Variants in RRBP1 observed in about 807,000 individuals in gnomAD.
RRBP1 encodes ribosome-binding protein 1.
In RRBP1, 94 loss-of-function variants were observed where a neutral mutation model predicts 165.2. The ratio of observed to expected loss-of-function variants is 0.57; its 90% CI spans 0.48 to 0.68. The LOEUF is 0.68. RRBP1 is among the 30% of genes least tolerant of loss of function. The pLI is 0.00. For missense variants in RRBP1, 1,676 were observed against 1,763.0 expected (o/e 0.95, Z 0.88); for synonymous variants, 680 against 714.5 (o/e 0.95, Z 0.77).
At chr20:17,615,562 A>T (rs912557277) in intron 22 of RRBP1, 33 bp from the exon 23 acceptor site, 8 of 1,558,782 alleles carry the variant, frequency 5.1e-6, no homozygotes, top group Non-Finnish European at 6.9e-6. Flanking sequence ...TCTGGGTGAG[A>T]CGTCTTATAA....
At chr20:17,680,902 C>T (rs767096177) in intron 1 of RRBP1, among the ~76,000 whole-genome samples, 1 of 152,126 alleles carries the variant, frequency 6.6e-6, no homozygotes. Flanking sequence ...ACAGGAGCCC[C>T]GATTTGCAGA....
Position 17,616,780 on chromosome 20 carries a change from G to A in RRBP1, c.3819C>T (p.Ala1273=). The part of the protein sequence containing the change: ...SHVEDGDIAG[A]PASSPEAPPA... ...GGGGCGCCTCTGGGGAGGAAGCTGG[G>A]GCCCCAGCTATGTCACCATCCTCTA... Residue 1273 remains alanine, a synonymous_variant, in exon 21 of 25, where the codon GCC becomes GCT. Transcript: ENST00000377813. The A allele has an allele frequency of 1.2e-6, 2 of 1,612,870 alleles. No individual in the cohort carries two copies. The highest frequency in any genetic ancestry group is 1.7e-6 in the Non-Finnish European group (2 of 1,179,630).
At position 17,659,942 on chromosome 20, in the gene RRBP1, C is replaced by T; in HGVS notation, c.566G>A (p.Gly189Asp). The T allele has an allele frequency of 6.3e-7, 1 of 1,587,116 alleles. No individual in the cohort carries two copies. The highest frequency in any genetic ancestry group is 1.3e-5 in the African/African-American group (1 of 74,458). ...AGTAGTGCCAGTGGCTGGTGTGTTGCCCTTGGCACCCACTGGGGGCACCAC... is the reference window on the plus strand; with the variant it reads ...AGTAGTGCCAGTGGCTGGTGTGTTGTCCTTGGCACCCACTGGGGGCACCAC... ...MVVVPPVGAK[G>D]NTPATGTTQG... Residue 189 changes from glycine (G) to aspartate (D), a missense_variant, in exon 3 of 25, where the codon GGC becomes GAC. By Grantham distance (94) the Gly-to-Asp change is moderately conservative. This residue lies in a region of RRBP1 where 392 missense variants were observed against 382.5 expected (regional missense o/e 1.02). Coordinates refer to ENST00000377813, the MANE Select transcript of RRBP1 (RefSeq NM_001365613.2).
intron 3 of RRBP1, among the ~76,000 whole-genome samples, chr20:17,654,764 G>A (rs1008490862): frequency 6.6e-6 from 1 of 152,104 alleles, no homozygotes; most frequent in Non-Finnish European, 1.5e-5. Flanking sequence ...TGTGGCTCTC[G>A]GGTCCTTCTC....
intron 20 of RRBP1, among the ~76,000 whole-genome samples, chr20:17,618,019 C>T (rs1320801081): frequency 6.6e-6 from 1 of 152,096 alleles, no homozygotes; most frequent in African/African-American, 2.4e-5. Context: ...CTCAAGAGGC[C>T]ACCTGCACAG....
At chr20:17,660,601 C>T (rs936068984) in intron 2 of RRBP1, 73 bp from the exon 3 acceptor site, 7 of 896,650 alleles carry the variant, frequency 7.8e-6, no homozygotes, top group South Asian at 1.6e-5. Flanking sequence ...CACCCTACCA[C>T]CAAACTTCAG....
intron 19 of RRBP1, chr20:17,618,890 C>A (rs1033447668): frequency 3.5e-6 from 2 of 566,058 alleles, no homozygotes; most frequent in Non-Finnish European, 6.4e-6. Context: ...GTGTTCACTG[C>A]GTACCTCTTT....
intron 3 of RRBP1, among the ~76,000 whole-genome samples, chr20:17,652,664 C>T (rs1164026827): frequency 6.6e-6 from 1 of 152,136 alleles, no homozygotes; most frequent in Admixed American, 6.5e-5. Flanking sequence ...ACACATGACC[C>T]CCAGAGAAGC....
At position 17,662,501 on chromosome 20, in the gene RRBP1, C is replaced by A. The variant is rs374906276; in HGVS notation, c.-21-1973G>T. 4.3e-4 allele frequency among the ~76,000 whole-genome samples: 66 copies of A among 152,282 alleles called. No homozygotes were observed. The South Asian group carries it at 4.8e-3, about 11-fold the overall frequency. On this transcript the variant is annotated intron_variant, in intron 2 of 24. Coordinates refer to ENST00000377813, the MANE Select transcript of RRBP1 (RefSeq NM_001365613.2). ...CTTTTCATTCCAGTCTTAACCTCTA[C>A]AAAGTCTTAGGGGAGCTCATGGAGG... is the stretch of plus-strand genomic sequence containing the variant.
intron 3 of RRBP1, among the ~76,000 whole-genome samples, chr20:17,652,696 T>A (rs1265330369): frequency 1.3e-5 from 2 of 152,038 alleles, no homozygotes; most frequent in Admixed American, 1.3e-4. Context: ...GGCCCCAGAC[T>A]GACAGGAAGC....
At position 17,643,181 on chromosome 20, in the gene RRBP1, GT is replaced by G. The variant is rs1229950915; in HGVS notation, c.1913-55del. On this transcript the variant is annotated intron_variant, in intron 3 of 24. Coordinates refer to ENST00000377813, the MANE Select transcript of RRBP1 (RefSeq NM_001365613.2). The surrounding 1 kb of genome is among the most constrained non-coding windows in gnomAD (Gnocchi z 4.3). Reference sequence around the variant, plus strand: ...CTTAGGCCCATAAGCCACAACACACGTGGCCACAATGCCCATCACACCAAGA... The same window carrying G: ...CTTAGGCCCATAAGCCACAACACACGGGCCACAATGCCCATCACACCAAGA... 2 of 1,581,662 alleles carry G rather than the reference GT, an allele frequency of 1.3e-6. No homozygotes were observed. The highest frequency in any genetic ancestry group is 1.7e-6 in the Non-Finnish European group (2 of 1,161,720).
intron 3 of RRBP1, among the ~76,000 whole-genome samples, chr20:17,653,178 C>T (rs1224518222): frequency 6.6e-6 from 1 of 152,148 alleles, no homozygotes; most frequent in Non-Finnish European, 1.5e-5. Flanking sequence ...ACATGCCCAC[C>T]GTGCCCAGCG....
intron 16 of RRBP1, 110 bp downstream of exon 16, chr20:17,621,348 G>A (rs929409875): frequency 1.5e-5 from 11 of 739,570 alleles, no homozygotes; most frequent in African/African-American, 1.4e-4. Flanking sequence ...GAGTCACAAG[G>A]CCAGTGGGCT....
rs148899277 is a variant in RRBP1, at chr20:17,621,765, G to A, written c.3249C>T (p.Thr1083=). Residue 1083 remains threonine (T), a synonymous_variant, in exon 15 of 25, where the codon ACC becomes ACT. Coordinates refer to ENST00000377813, the MANE Select transcript of RRBP1 (RefSeq NM_001365613.2). ...ELSVLAQQNY[T]EWLQDLKEKG... ...TCTCTTTGAGATCCTGCAGCCACTC[G>A]GTGTAATTCTGCAATGAAACACATT... The A allele has an allele frequency of 8.3e-5, 134 of 1,613,918 alleles. No homozygotes were observed. In the African/African-American group the frequency reaches 1.3e-3, roughly 16 times the overall value.
At chr20:17,628,510 T>C (rs1472279492) in intron 9 of RRBP1, among the ~76,000 whole-genome samples, 1 of 152,182 alleles carries the variant, frequency 6.6e-6, no homozygotes, top group Non-Finnish European at 1.5e-5. Context: ...TGGTCTGCTC[T>C]CCACCTGGTG....
chr20:17,661,450 C>G (rs981918650), intron 2 of RRBP1, among the ~76,000 whole-genome samples: 2 of 152,194 alleles, frequency 1.3e-5, no homozygotes, highest in African/African-American at 4.8e-5. Context: ...TCAGACAACA[C>G]TCCCCAAACC....
Position 17,644,073 on chromosome 20 carries a change from G to C in RRBP1, c.1913-946C>G, listed in dbSNP as rs572544096. ...CTTGGGAGGACAAAGGAGAGGGCTG[G>C]TTTCCATAGCAACCCTCAATTCTCT... On this transcript the variant is annotated intron_variant, in intron 3 of 24. Transcript: ENST00000377813. 6.7e-5 allele frequency among the ~76,000 whole-genome samples: 10 copies of C among 148,932 alleles called. No homozygotes were observed. In the South Asian group the frequency reaches 1.7e-3, roughly 25 times the overall value.
At position 17,629,974 on chromosome 20, in the gene RRBP1, A is replaced by G; in HGVS notation, c.2611-13T>C. 4 of 1,591,446 alleles carry G rather than the reference A, an allele frequency of 2.5e-6. No individual in the cohort carries two copies. The highest frequency in any genetic ancestry group is 3.4e-6 in the Non-Finnish European group (4 of 1,173,794). On this transcript the variant is annotated splice_polypyrimidine_tract_variant and intron_variant, in intron 8 of 24. Coordinates refer to ENST00000377813, the MANE Select transcript of RRBP1 (RefSeq NM_001365613.2). Reference sequence around the variant, plus strand: ...CCCTGTGGGACGCCTGGGGACGGGCAGGGGAGTGGGGCAGTGAAGACGTGG... The same window carrying G: ...CCCTGTGGGACGCCTGGGGACGGGCGGGGGAGTGGGGCAGTGAAGACGTGG...
At chr20:17,629,426 A>C (rs1165932829) in intron 9 of RRBP1, among the ~76,000 whole-genome samples, 1 of 152,160 alleles carries the variant, frequency 6.6e-6, no homozygotes, top group Non-Finnish European at 1.5e-5. Context: ...CAGAACACAC[A>C]TTTAGCTGAG....
Sources: gnomAD v4.1 joint callset for allele counts (sites outside exome capture counted in the v4.1 genomes callset) on GRCh38, gnomAD v4.1.1 for gene constraint, gnomAD v4.1.1 regional missense constraint, Gnocchi (gnomAD v3.1) non-coding constraint, MANE v1.5 for transcripts, NCBI Gene and HGNC (gene_info 2026-07-23, HGNC 2026-07-21) for gene names.